TMEM218: variants seen among roughly 807,000 people sequenced by gnomAD.
The protein encoded by TMEM218 is transmembrane protein 218.
A neutral mutation model predicts 10.0 loss-of-function variants in TMEM218; 8 were observed. The observed-to-expected ratio is 0.80, with a 90% CI of 0.47 to 1.44. The LOEUF (loss-of-function observed/expected upper bound fraction) is 1.44. TMEM218 is among the 40% of genes most tolerant of loss of function. The pLI is 0.00. For missense variants in TMEM218, 110 were observed against 140.1 expected, an observed-to-expected ratio of 0.79 and a Z score of 1.08; for synonymous variants, 66 against 63.5, an observed-to-expected ratio of 1.04 and a Z score of -0.18.
At position 125,102,129 on chromosome 11, in the gene TMEM218, T is replaced by C. The variant is rs535482445; in HGVS notation, c.110+3A>G. ...GGACTCCCAGTTGGACAGAATGCCT[T>C]ACCTCGCCGCCCCGGAGGCTCTGGA... is the stretch of plus-strand genomic sequence containing the variant. On this transcript the variant is annotated splice_donor_region_variant and intron_variant, in intron 3 of 4. Coordinates refer to ENST00000682305, the MANE Select transcript of TMEM218 (RefSeq NM_001258244.2). 37 of 1,549,092 alleles carry C rather than the reference T, an allele frequency of 2.4e-5. No homozygotes were observed. The Admixed American group carries it at 8.2e-4, about 34-fold the overall frequency.
rs1950704113 is a variant in TMEM218 at position 125,101,259 on chromosome 11, G to C, written c.155C>G (p.Ser52Ter). ...FLFFGAVIIT[S>*]VLLLFPRAGE... Reference sequence around the variant, plus strand: ...AGCTCGCGGGAAAAGCAACAGAACTGATGTGATGATCACAGCACCGAAGAA... The same window carrying C: ...AGCTCGCGGGAAAAGCAACAGAACTCATGTGATGATCACAGCACCGAAGAA... The change falls in exon 4 of 5, where the codon TCA (serine) becomes TGA (stop). Residue 52 changes from serine to a stop codon, truncating the protein, a stop_gained. Coordinates refer to ENST00000682305, the MANE Select transcript of TMEM218 (RefSeq NM_001258244.2). LOFTEE classifies it high-confidence loss of function. 1 of 1,613,696 alleles carries C rather than the reference G, an allele frequency of 6.2e-7. No homozygotes were observed. The highest frequency in any genetic ancestry group is 1.3e-5 in the African/African-American group (1 of 74,922).
chr11:125,107,559 A>T, intron 1 of TMEM218, among the ~76,000 whole-genome samples: 1 of 152,230 alleles, frequency 6.6e-6, no homozygotes, highest in South Asian at 2.1e-4. Context: ...TATATTGTTA[A>T]AAGATTATTT....
intron 4 of TMEM218, among the ~76,000 whole-genome samples, chr11:125,098,251 G>C (rs1591364615): frequency 6.6e-6 from 1 of 152,328 alleles, no homozygotes; most frequent in East Asian, 1.9e-4. Context: ...GCTATCAGCG[G>C]AAGAGTCCCA....
chr11:125,095,748 T>C lies in TMEM218; in HGVS notation c.*1858A>G, dbSNP rs1475635959. ...GATAGAATTTAGTTTCCAACCTTAA[T>C]ACACTTTCCTCCATCTAAATAGTCA... On this transcript the variant is annotated 3_prime_UTR_variant, in exon 5 of 5. Coordinates refer to ENST00000682305, the MANE Select transcript of TMEM218 (RefSeq NM_001258244.2). Among the ~76,000 whole-genome samples, 2 of 152,192 alleles carry C rather than the reference T, an allele frequency of 1.3e-5. No homozygotes were observed. Among genetic ancestry groups the C allele is most frequent in the African/African-American group, 2.4e-5 (1 of 41,434 alleles).
In TMEM218 at chr11:125,097,756, A is replaced by C. The variant is rs1178746884; in HGVS notation, c.214-16T>G. The C allele has an allele frequency of 6.2e-7, 1 of 1,611,626 alleles. No homozygotes were observed. Among genetic ancestry groups the C allele is most frequent in the Non-Finnish European group, 8.5e-7 (1 of 1,178,826 alleles). On this transcript the variant is annotated splice_polypyrimidine_tract_variant and intron_variant, in intron 4 of 4. Coordinates refer to ENST00000682305, the MANE Select transcript of TMEM218 (RefSeq NM_001258244.2). ...CATCCACAATCTGGAGAAAGAAAACATCAAAATGAAATTACTACCAGTTAG... is the reference window on the plus strand; with the variant it reads ...CATCCACAATCTGGAGAAAGAAAACCTCAAAATGAAATTACTACCAGTTAG...
At chr11:125,100,805 C>T (rs1282196708) in intron 4 of TMEM218, among the ~76,000 whole-genome samples, 3 of 152,242 alleles carry the variant, frequency 2.0e-5, no homozygotes, top group East Asian at 1.9e-4. Flanking sequence ...CCAGGATCTG[C>T]AGTTAGGAGC....
chr11:125,107,266 T>C (rs1180273607), intron 1 of TMEM218, among the ~76,000 whole-genome samples: 1 of 152,178 alleles, frequency 6.6e-6, no homozygotes, highest in East Asian at 1.9e-4. Context: ...TTCACCTGGG[T>C]TTGTTCATAC....
intron 4 of TMEM218, 61 bp from the exon 5 acceptor site, chr11:125,097,801 C>G: frequency 6.5e-7 from 1 of 1,544,916 alleles, no homozygotes; most frequent in Non-Finnish European, 8.8e-7. Flanking sequence ...CTGGGTTAAC[C>G]TGAACTCCAT....
At chr11:125,099,491 T>G (rs1011338738) in intron 4 of TMEM218, among the ~76,000 whole-genome samples, 1 of 152,180 alleles carries the variant, frequency 6.6e-6, no homozygotes, top group African/African-American at 2.4e-5. Context: ...ACCCCATTCT[T>G]GTCTCCTGGG....
At chr11:125,106,152 G>A (rs1315302064) in intron 1 of TMEM218, among the ~76,000 whole-genome samples, 1 of 152,080 alleles carries the variant, frequency 6.6e-6, no homozygotes, top group Non-Finnish European at 1.5e-5. Flanking sequence ...TCACAACACT[G>A]TGAATATACT....
At chr11:125,102,068 G>C (rs1165337797) in intron 3 of TMEM218, 64 bp downstream of exon 3, 2 of 1,453,416 alleles carry the variant, frequency 1.4e-6, no homozygotes. Flanking sequence ...AATGTTTAGT[G>C]AGCATCAGCG....
intron 1 of TMEM218, chr11:125,103,132 A>C (rs1951220543): frequency 6.4e-6 from 1 of 155,202 alleles, no homozygotes; most frequent in African/African-American, 2.4e-5. Flanking sequence ...GCCTTTTAGG[A>C]ACTGGGCCGC....
At position 125,094,903 on chromosome 11, in the gene TMEM218, G is replaced by A. The variant is rs1377082874; in HGVS notation, c.*2703C>T. Among the ~76,000 whole-genome samples, 1 of 152,166 alleles carries A rather than the reference G, an allele frequency of 6.6e-6. No individual in the cohort carries two copies. The highest frequency in any genetic ancestry group is 6.5e-5 in the Admixed American group (1 of 15,276). On this transcript the variant is annotated 3_prime_UTR_variant, in exon 5 of 5. Transcript: ENST00000682305. Reference sequence around the variant, plus strand: ...AGGACTAGTGCTTTACACCCTACGGGCACACAATATATGCTGAATGAATGG... The same window carrying A: ...AGGACTAGTGCTTTACACCCTACGGACACACAATATATGCTGAATGAATGG...
In TMEM218 at chr11:125,097,469, T is replaced by C. The variant is rs1949796156; in HGVS notation, c.*137A>G. 4.3e-6 allele frequency: 4 copies of C among 937,704 alleles called. No homozygotes were observed. Among genetic ancestry groups the C allele is most frequent in the Non-Finnish European group, 6.1e-6 (4 of 658,306 alleles). 58.1% of individuals were successfully genotyped at this position (937,704 alleles called of 1,614,324 possible). A position where few individuals can be genotyped will look rare whatever the true frequency, so the allele number is the denominator to read the frequency against. ...TCTGGAAGCCAGGACTCCAGAGATT[T>C]GTCTTAGTGATGGACAGATACTCCT... On this transcript the variant is annotated 3_prime_UTR_variant, in exon 5 of 5. Coordinates refer to ENST00000682305, the MANE Select transcript of TMEM218 (RefSeq NM_001258244.2).
Position 125,108,495 on chromosome 11 carries a change from T to C in TMEM218, c.-153+3044A>G, listed in dbSNP as rs1430823263. 6.6e-6 allele frequency among the ~76,000 whole-genome samples: 1 copy of C among 152,230 alleles called. No individual in the cohort carries two copies. ...CACTAGAATACATAATGAAGTACAG[T>C]AGTCAGATGCTTGCACCTAAACTTA... On this transcript the variant is annotated intron_variant, in intron 1 of 4. Coordinates refer to ENST00000682305, the MANE Select transcript of TMEM218 (RefSeq NM_001258244.2). The surrounding 1 kb of genome is among the most constrained non-coding windows in gnomAD (Gnocchi z 5.3).
intron 4 of TMEM218, among the ~76,000 whole-genome samples, chr11:125,099,863 G>T (rs746810801): frequency 6.1e-5 from 9 of 148,408 alleles, no homozygotes; most frequent in Non-Finnish European, 1.2e-4. Flanking sequence ...GACGGAGGTT[G>T]CAGTGTGCCG....
Position 125,097,734 on chromosome 11 carries a change from C to T in TMEM218, c.220G>A (p.Asp74Asn). ...PAPEVEVKIV[D>N]DFFIGRYVLL... ...ACATAGCGGCCAATGAAAAAGTCATCCACAATCTGGAGAAAGAAAACATCA... is the reference window on the plus strand; with the variant it reads ...ACATAGCGGCCAATGAAAAAGTCATTCACAATCTGGAGAAAGAAAACATCA... The change falls in exon 5 of 5, where the codon GAT becomes AAT. Residue 74 changes from aspartate (D) to asparagine (N), a missense_variant. Coordinates refer to ENST00000682305, the MANE Select transcript of TMEM218 (RefSeq NM_001258244.2). 1 of 1,613,460 alleles carries T rather than the reference C, an allele frequency of 6.2e-7. No individual in the cohort carries two copies. The highest frequency in any genetic ancestry group is 1.1e-5 in the South Asian group (1 of 90,952).
At chr11:125,104,963 G>T (rs1951769934) in intron 1 of TMEM218, 1 of 152,188 alleles carries the variant, frequency 6.6e-6, no homozygotes, top group African/African-American at 2.4e-5. Flanking sequence ...GAGGGTCCTG[G>T]TGCCTGATAC....
intron 3 of TMEM218, 200 bp from the exon 4 acceptor site, chr11:125,101,503 T>A: frequency 6.6e-7 from 1 of 1,520,094 alleles, no homozygotes; most frequent in Non-Finnish European, 8.8e-7. Context: ...TCCCATTTAT[T>A]CTTGGTAATT....
Sources: allele counts gnomAD v4.1 joint callset (sites outside exome capture counted in the v4.1 genomes callset), GRCh38; gene constraint gnomAD v4.1.1; non-coding constraint Gnocchi (gnomAD v3.1); transcripts MANE v1.5; gene names NCBI Gene and HGNC (gene_info 2026-07-23, HGNC 2026-07-21).